The following CFAP61 variants were observed in gnomAD, a reference collection of about 807,000 sequenced individuals.
The protein encoded by CFAP61 is cilia and flagella associated protein 61.
CFAP61 carries 107 observed loss-of-function variants against 135.6 expected under a neutral mutation model. The observed-to-expected ratio is 0.79, with a 90% CI of 0.67 to 0.93. The LOEUF (loss-of-function observed/expected upper bound fraction) is 0.93. CFAP61 is among the 40% of genes least tolerant of loss of function. The pLI, the probability that CFAP61 is intolerant of heterozygous loss-of-function variation, is 0.00. For missense variants in CFAP61, 1,507 were observed against 1,556.2 expected, an observed-to-expected ratio of 0.97 and a Z score of 0.53; for synonymous variants, 575 against 578.5, an observed-to-expected ratio of 0.99 and a Z score of 0.09.
chr20:20,121,399 G>A lies in CFAP61; in HGVS notation c.860-21458G>A, dbSNP rs189650108. 1.5e-3 allele frequency among the ~76,000 whole-genome samples: 226 copies of A among 152,088 alleles called. 2 individuals are homozygous for A. Among genetic ancestry groups the A allele is most frequent in the Middle Eastern group, 6.8e-3 (2 of 294 alleles). On this transcript the variant is annotated intron_variant, in intron 8 of 26. Transcript: ENST00000245957. ...GCTGGGATTATAGGTGTGAGCTGCC[G>A]TGCTCAACACTCTATGTCTTTTAAT...
intron 7 of CFAP61, among the ~76,000 whole-genome samples, chr20:20,093,166 G>A (rs775211712): frequency 2.0e-5 from 3 of 152,192 alleles, no homozygotes; most frequent in Admixed American, 6.5e-5. Context: ...ATGCTACAGC[G>A]TGTATGAACC....
intron 17 of CFAP61, among the ~76,000 whole-genome samples, chr20:20,223,239 C>T (rs1018546662): frequency 2.0e-5 from 3 of 152,170 alleles, no homozygotes; most frequent in Non-Finnish European, 2.9e-5. Context: ...GACTGGTTCC[C>T]ATGTTTGCCT....
At chr20:20,150,314 T>C (rs932122650) in intron 9 of CFAP61, among the ~76,000 whole-genome samples, 1 of 152,130 alleles carries the variant, frequency 6.6e-6, no homozygotes. Context: ...AAGCTTGGGA[T>C]CTTTATGGCC....
At position 20,337,310 on chromosome 20, in the gene CFAP61, A is replaced by G. The variant is rs373701282; in HGVS notation, c.3423-4521A>G. 2.7e-4 allele frequency among the ~76,000 whole-genome samples: 29 copies of G among 109,252 alleles called. 1 individual carries two copies. The highest frequency in any genetic ancestry group is 1.1e-3 in the South Asian group (3 of 2,646). The allele number at this position is 109,252 out of a possible 152,430, so 71.7% of individuals were successfully genotyped here. Reference sequence around the variant, plus strand: ...GATGGATAGATGGATGGATGGATGGATGGATGGATGGATGGATGGATGGAT... The same window carrying G: ...GATGGATAGATGGATGGATGGATGGGTGGATGGATGGATGGATGGATGGAT... On this transcript the variant is annotated intron_variant, in intron 25 of 26. Transcript: ENST00000245957.
chr20:20,228,466 C>A, intron 18 of CFAP61, 90 bp downstream of exon 18: 1 of 1,161,764 alleles, frequency 8.6e-7, no homozygotes, highest in Non-Finnish European at 1.3e-6. Context: ...GAGAACAGAC[C>A]TGAGATTGTT....
At chr20:20,157,453 A>G (rs942182293) in intron 9 of CFAP61, among the ~76,000 whole-genome samples, 1 of 152,254 alleles carries the variant, frequency 6.6e-6, no homozygotes. Context: ...ATAGAATTAA[A>G]CAACTCAGAA....
At chr20:20,210,650 C>G (rs1285474244) in intron 17 of CFAP61, among the ~76,000 whole-genome samples, 2 of 152,212 alleles carry the variant, frequency 1.3e-5, no homozygotes, top group Non-Finnish European at 2.9e-5. Context: ...GAATGCCCCT[C>G]TGGGGCTGGC....
intron 13 of CFAP61, among the ~76,000 whole-genome samples, 194 bp downstream of exon 13, chr20:20,169,654 A>C (rs1200602632): frequency 6.6e-6 from 1 of 152,244 alleles, no homozygotes; most frequent in African/African-American, 2.4e-5. Context: ...GTCCTGTCAG[A>C]TATTAAAACA....
chr20:20,103,198 T>G (rs919261129), intron 8 of CFAP61, among the ~76,000 whole-genome samples: 1 of 152,130 alleles, frequency 6.6e-6, no homozygotes, highest in African/African-American at 2.4e-5. Context: ...TTAATGAAGA[T>G]CTAAATAAAA....
At chr20:20,166,681 T>C (rs1274673155) in intron 12 of CFAP61, among the ~76,000 whole-genome samples, 3 of 152,254 alleles carry the variant, frequency 2.0e-5, no homozygotes, top group South Asian at 2.1e-4. Context: ...ACCAGTGTTT[T>C]ATCAGAATCA....
chr20:20,217,068 AC>A (rs1460455315), intron 17 of CFAP61, among the ~76,000 whole-genome samples: 1 of 152,206 alleles, frequency 6.6e-6, no homozygotes, highest in Non-Finnish European at 1.5e-5. Flanking sequence ...CAAGTCCTTC[AC>A]TTGAACCAAG....
chr20:20,228,119 C>T (rs1569160814), intron 17 of CFAP61, 130 bp from the exon 18 acceptor site: 3 of 653,384 alleles, frequency 4.6e-6, no homozygotes, highest in Non-Finnish European at 7.5e-6. Flanking sequence ...GGTGGCTGTA[C>T]ATGGGCACTA....
intron 2 of CFAP61, among the ~76,000 whole-genome samples, chr20:20,067,123 A>C (rs929695858): frequency 6.6e-6 from 1 of 152,060 alleles, no homozygotes; most frequent in Admixed American, 6.5e-5. Context: ...AGTTTTGGCT[A>C]TACTCGGAAA....
intron 8 of CFAP61, among the ~76,000 whole-genome samples, chr20:20,142,434 G>T (rs1458931585): frequency 2.0e-5 from 3 of 152,188 alleles, no homozygotes; most frequent in Admixed American, 1.3e-4. Context: ...TCTGCCTGGA[G>T]ATCATTTCAA....
intron 2 of CFAP61, among the ~76,000 whole-genome samples, chr20:20,065,056 TG>T (rs1357437753): frequency 3.3e-5 from 5 of 152,126 alleles, no homozygotes; most frequent in Non-Finnish European, 5.9e-5. Flanking sequence ...GACGGCTTTG[TG>T]AGGAAAGGAT....
At chr20:20,289,721 T>G (rs113628668) in intron 23 of CFAP61, among the ~76,000 whole-genome samples, 119 of 152,276 alleles carry the variant, frequency 7.8e-4, no homozygotes, top group African/African-American at 2.8e-3. Flanking sequence ...TTGCTCTGCT[T>G]CTCACTCTGG....
intron 22 of CFAP61, among the ~76,000 whole-genome samples, chr20:20,287,176 A>G (rs1432021897): frequency 6.6e-6 from 1 of 152,168 alleles, no homozygotes; most frequent in Non-Finnish European, 1.5e-5. Context: ...CCACTGGGTA[A>G]GAGTTATAAG....
chr20:20,104,638 C>G lies in CFAP61; in HGVS notation c.859+5824C>G, dbSNP rs560284135. Among the ~76,000 whole-genome samples the G allele has an allele frequency of 2.6e-5, 4 of 152,296 alleles. No individual in the cohort carries two copies. The South Asian group carries it at 8.3e-4, about 32-fold the overall frequency. On this transcript the variant is annotated intron_variant, in intron 8 of 26. Transcript: ENST00000245957. ...ATCTCGGAACCTTGTTTTTAACAGT[C>G]AGTTCATTCTGTAGTTAACCAGTGA...
intron 8 of CFAP61, among the ~76,000 whole-genome samples, chr20:20,120,592 A>G (rs6046635): frequency 0.18 from 27,393 of 152,142 alleles, 2,613 homozygotes; most frequent in East Asian, 0.2. Context: ...TGTTGAAAAC[A>G]ATGTGTATTC....
Sources: gnomAD v4.1 joint callset for allele counts (sites outside exome capture counted in the v4.1 genomes callset) on GRCh38, gnomAD v4.1.1 for gene constraint, MANE v1.5 for transcripts, NCBI Gene and HGNC (gene_info 2026-07-23, HGNC 2026-07-21) for gene names.